The following RIMS1 variants were observed in gnomAD, a reference collection of about 807,000 sequenced individuals.
The protein encoded by RIMS1 is regulating synaptic membrane exocytosis 1.
In RIMS1, 83 loss-of-function variants were observed where a neutral mutation model predicts 214.1. The observed-to-expected ratio is 0.39, with a 90% CI of 0.32 to 0.47. RIMS1 has a LOEUF of 0.47. Among genes scored for constraint, RIMS1 ranks in the 20% least tolerant of loss-of-function variants. The pLI is 0.99. For synonymous variants in RIMS1, 793 were observed against 786.8 expected (o/e 1.01, Z -0.13); for missense variants, 2,050 against 2,161.8 (o/e 0.95, Z 1.03).
intron 4 of RIMS1, among the ~76,000 whole-genome samples, chr6:72,101,561 A>G (rs1371571090): frequency 6.6e-6 from 1 of 151,874 alleles, no homozygotes; most frequent in Non-Finnish European, 1.5e-5. Flanking sequence ...TTTAGTAGAG[A>G]AATTATAATT....
chr6:72,320,024 GA>G, intron 28 of RIMS1, among the ~76,000 whole-genome samples: 1 of 152,224 alleles, frequency 6.6e-6, no homozygotes, highest in South Asian at 2.1e-4. Context: ...AATGTCTTCT[GA>G]GAGACGGCTA....
chr6:72,134,234 T>C (rs2153861107), intron 4 of RIMS1, among the ~76,000 whole-genome samples: 1 of 152,160 alleles, frequency 6.6e-6, no homozygotes, highest in Admixed American at 6.5e-5. Context: ...TAGGGTAATG[T>C]TTAAGCCTTA....
chr6:72,026,505 G>T (rs1420645823), intron 2 of RIMS1, among the ~76,000 whole-genome samples: 1 of 123,438 alleles, frequency 8.1e-6, no homozygotes, highest in Non-Finnish European at 1.6e-5. Context: ...GACTAGGGAA[G>T]AATCTACCAA....
intron 16 of RIMS1, among the ~76,000 whole-genome samples, chr6:72,256,688 C>T (rs201383600): frequency 6.7e-6 from 1 of 148,182 alleles, no homozygotes; most frequent in Non-Finnish European, 1.5e-5. Context: ...AATAGTCACC[C>T]TTTTTTTTTT....
intron 4 of RIMS1, among the ~76,000 whole-genome samples, chr6:72,151,169 A>G (rs1157221376): frequency 6.6e-6 from 1 of 152,084 alleles, no homozygotes; most frequent in Non-Finnish European, 1.5e-5. Context: ...CAGCCTCCCA[A>G]GTAGCTGGGA....
At chr6:72,295,314 T>C (rs561994972) in intron 26 of RIMS1, among the ~76,000 whole-genome samples, 2 of 151,780 alleles carry the variant, frequency 1.3e-5, no homozygotes, top group South Asian at 4.2e-4. Context: ...AAACAACTAA[T>C]TTTACTTTGG....
chr6:72,394,980 A>G (rs2098756461), intron 31 of RIMS1, among the ~76,000 whole-genome samples: 1 of 152,066 alleles, frequency 6.6e-6, no homozygotes, highest in Non-Finnish European at 1.5e-5. Context: ...TATTTTTAAG[A>G]AAGAAAGTTA....
chr6:71,916,392 C>A (rs1282234263), intron 1 of RIMS1, among the ~76,000 whole-genome samples: 1 of 152,118 alleles, frequency 6.6e-6, no homozygotes, highest in East Asian at 1.9e-4. Context: ...TTCTCACAGA[C>A]TCCATAGCTG....
intron 4 of RIMS1, among the ~76,000 whole-genome samples, chr6:72,137,862 G>A (rs889192513): frequency 1.3e-5 from 2 of 149,354 alleles, no homozygotes; most frequent in African/African-American, 4.9e-5. Context: ...TCACCCTCCC[G>A]AGTAACTGGG....
At chr6:72,081,087 A>G (rs1833267202) in intron 2 of RIMS1, among the ~76,000 whole-genome samples, 1 of 152,192 alleles carries the variant, frequency 6.6e-6, no homozygotes, top group Non-Finnish European at 1.5e-5. Context: ...TTTCAGTTCA[A>G]TTGAACTCTA....
At chr6:72,065,183 G>C (rs948101563) in intron 2 of RIMS1, among the ~76,000 whole-genome samples, 1 of 152,134 alleles carries the variant, frequency 6.6e-6, no homozygotes, top group Non-Finnish European at 1.5e-5. Context: ...AGCTAAACAG[G>C]TCTTAGGCCA....
chr6:72,149,672 A>G (rs1409790604), intron 4 of RIMS1, among the ~76,000 whole-genome samples: 2 of 152,226 alleles, frequency 1.3e-5, no homozygotes, highest in African/African-American at 2.4e-5. Context: ...AAAAAAGTGA[A>G]GAATTATATG....
At chr6:71,924,631 A>C (rs889667478) in intron 1 of RIMS1, among the ~76,000 whole-genome samples, 14 of 104,442 alleles carry the variant, frequency 1.3e-4, no homozygotes, top group African/African-American at 3.7e-4. Context: ...CCATCTCTGC[A>C]AAAAAAAAAA....
chr6:72,037,542 T>C (rs1180129731), intron 2 of RIMS1, among the ~76,000 whole-genome samples: 2 of 151,996 alleles, frequency 1.3e-5, no homozygotes, highest in African/African-American at 2.4e-5. Flanking sequence ...TGAGGTGTAA[T>C]AGAGATATCA....
intron 19 of RIMS1, chr6:72,263,187 TAC>T: frequency 1.0e-6 from 1 of 984,968 alleles, no homozygotes; most frequent in Non-Finnish European, 1.2e-6. Flanking sequence ...TGAAATTTAA[TAC>T]ACACAGCATA....
intron 2 of RIMS1, among the ~76,000 whole-genome samples, chr6:72,015,976 T>C (rs1812619706): frequency 6.6e-6 from 1 of 152,164 alleles, no homozygotes; most frequent in Non-Finnish European, 1.5e-5. Context: ...ATTTATCAAA[T>C]TGAGAAAGTT....
intron 25 of RIMS1, among the ~76,000 whole-genome samples, chr6:72,291,521 T>G (rs2093385495): frequency 1.3e-5 from 2 of 152,224 alleles, no homozygotes. Flanking sequence ...AATTCTATAG[T>G]CAATATCAAT....
chr6:71,909,378 G>C (rs909183955), intron 1 of RIMS1, among the ~76,000 whole-genome samples: 1 of 152,130 alleles, frequency 6.6e-6, no homozygotes, highest in African/African-American at 2.4e-5. Context: ...ATACCACGGA[G>C]TGTGTTTAGT....
At chr6:72,318,486 C>T (rs2095949568) in intron 28 of RIMS1, among the ~76,000 whole-genome samples, 1 of 152,164 alleles carries the variant, frequency 6.6e-6, no homozygotes, top group South Asian at 2.1e-4. Flanking sequence ...GCTACTATCC[C>T]TCCCCCATTT....
Sources: allele counts gnomAD v4.1 joint callset (sites outside exome capture counted in the v4.1 genomes callset), GRCh38; gene constraint gnomAD v4.1.1; transcripts MANE v1.5; gene names NCBI Gene and HGNC (gene_info 2026-07-23, HGNC 2026-07-21).